Variants in UTRN observed in about 807,000 individuals in gnomAD.
UTRN encodes the protein dystrophin-related protein 1.
In UTRN, 283 loss-of-function variants were observed where a neutral mutation model predicts 463.9. The ratio of observed to expected loss-of-function variants is 0.61; its 90% confidence interval spans 0.55 to 0.67. UTRN has a LOEUF of 0.67. Ranked by LOEUF, UTRN falls within the 30% of genes least tolerant of loss-of-function variation. The probability of loss-of-function intolerance (pLI) is 0.00; values close to 1 mark genes in which losing one functional copy is unlikely to be tolerated. For missense variants in UTRN, 3,922 were observed against 4,084.3 expected (o/e 0.96, Z 1.08); for synonymous variants, 1,442 against 1,431.5 (o/e 1.01, Z -0.17).
chr6:144,754,737 C>T lies in UTRN; in HGVS notation c.8373C>T (p.Arg2791=). Residue 2791 remains arginine (R), a synonymous_variant, in exon 57 of 75, where the codon CGC becomes CGT. Coordinates refer to ENST00000367545, the MANE Select transcript of UTRN (RefSeq NM_007124.3). The part of the protein sequence containing the change: ...WKLLQVSVDD[R]LKQLQEAHRD... ...GTGTGCAGGTTTCTGTGGATGATCG[C>T]CTTAAACAGCTTCAGGAAGCCCACA... 6.2e-7 allele frequency: 1 copy of T among 1,613,520 alleles called. No homozygotes were observed. The highest frequency in any genetic ancestry group is 1.3e-5 in the African/African-American group (1 of 74,946).
At chr6:144,645,743 G>C (rs1361726321) in intron 51 of UTRN, among the ~76,000 whole-genome samples, 1 of 152,142 alleles carries the variant, frequency 6.6e-6, no homozygotes, top group East Asian at 1.9e-4. Context: ...GTGGCAGGAG[G>C]TATGGAGAAA....
At chr6:144,403,372 G>T (rs1427406375) in intron 3 of UTRN, among the ~76,000 whole-genome samples, 188 bp downstream of exon 3, 1 of 152,112 alleles carries the variant, frequency 6.6e-6, no homozygotes, top group African/African-American at 2.4e-5. Flanking sequence ...CATGCACATA[G>T]TTTATGGGAC....
chr6:144,484,432 C>CTTTTTTTTTTTT lies in UTRN; in HGVS notation c.3688-937_3688-926dup, dbSNP rs765122659. ...TTTTTCATTTTGTTCAAAAACCAAACTTTTTTTTTTTTTTTTTTTTTTTTT... is the reference window on the plus strand; with the variant it reads ...TTTTTCATTTTGTTCAAAAACCAAACTTTTTTTTTTTTTTTTTTTTTTTTTTTTTTTTTTTTT... On this transcript the variant is annotated intron_variant, in intron 27 of 74. Coordinates refer to ENST00000367545, the MANE Select transcript of UTRN (RefSeq NM_007124.3). Among the ~76,000 whole-genome samples, 7 of 66,254 alleles carry CTTTTTTTTTTTT rather than the reference C, an allele frequency of 1.1e-4. 1 individual carries two copies. The East Asian group carries it at 1.9e-3, about 18-fold the overall frequency. The allele number at this position is 66,254 out of a possible 152,430, so 43.5% of individuals were successfully genotyped here.
At chr6:144,833,754 C>G (rs73779037) in intron 69 of UTRN, among the ~76,000 whole-genome samples, 8,883 of 152,238 alleles carry the variant, frequency 0.058, 618 homozygotes, top group African/African-American at 0.17. Flanking sequence ...TTGTGTAATT[C>G]ACTGCAGCTC....
chr6:144,507,368 C>T (rs568674288), intron 34 of UTRN, among the ~76,000 whole-genome samples: 2 of 152,262 alleles, frequency 1.3e-5, no homozygotes, highest in African/African-American at 4.8e-5. Flanking sequence ...GAATTTACAG[C>T]ATTTTTGCGC....
intron 21 of UTRN, among the ~76,000 whole-genome samples, chr6:144,460,248 TTTGAAAGC>T (rs1789276486): frequency 6.6e-6 from 1 of 152,212 alleles, no homozygotes; most frequent in Non-Finnish European, 1.5e-5. Context: ...TGTTAAAGAT[TTTGAAAGC>T]TCATCCCTCC....
rs116739902 is a variant in UTRN, at chr6:144,793,857, C to T, written c.8944C>T (p.Pro2982Ser). The part of the protein sequence containing the change: ...YRYLFKEVAG[P>S]TEMCDQRQLG... ...AGATCTCTTTAAGGAAGTTGCAGGGCCAACAGAAATGTGTGACCAGAGGCA... is the reference window on the plus strand; with the variant it reads ...AGATCTCTTTAAGGAAGTTGCAGGGTCAACAGAAATGTGTGACCAGAGGCA... The change falls in exon 63 of 75, where the codon CCA (proline) becomes TCA (serine). Residue 2982 changes from proline (P) to serine (S), a missense_variant. Physicochemically the swap from Pro to Ser is moderately conservative, Grantham distance 74 (BLOSUM62 -1). Coordinates refer to ENST00000367545, the MANE Select transcript of UTRN (RefSeq NM_007124.3). 1.6e-4 allele frequency: 262 copies of T among 1,613,992 alleles called. No individual in the cohort carries two copies. The East Asian group carries it at 4.9e-3, about 30-fold the overall frequency.
intron 53 of UTRN, among the ~76,000 whole-genome samples, chr6:144,717,383 T>C (rs1019765807): frequency 6.6e-6 from 1 of 152,158 alleles, no homozygotes; most frequent in Non-Finnish European, 1.5e-5. Flanking sequence ...TGAAGAAATT[T>C]ATATTTGTCT....
rs1787921300 is a variant in UTRN, at chr6:144,448,500, CATTAA to C, written c.1903-96_1903-92del. On this transcript the variant is annotated intron_variant, in intron 16 of 74. Coordinates refer to ENST00000367545, the MANE Select transcript of UTRN (RefSeq NM_007124.3). ...ACAACTGTATAAATGTGCTAATAAC[CATTAA>C]ATTGTGTATTTCAAAGAAAGAATTT... is the stretch of plus-strand genomic sequence containing the variant. The C allele has an allele frequency of 2.1e-5, 27 of 1,312,016 alleles. No individual in the cohort carries two copies. The South Asian group carries it at 3.2e-4, about 16-fold the overall frequency. 81.3% of individuals were successfully genotyped at this position (1,312,016 alleles called of 1,614,324 possible). A position where few individuals can be genotyped will look rare whatever the true frequency, so the allele number is the denominator to read the frequency against.
At chr6:144,781,622 G>A (rs1310920893) in intron 60 of UTRN, among the ~76,000 whole-genome samples, 1 of 152,094 alleles carries the variant, frequency 6.6e-6, no homozygotes, top group East Asian at 1.9e-4. Context: ...AAAGCAAAAA[G>A]AGCCTGGCAA....
chr6:144,293,379 C>T (rs548944954), intron 2 of UTRN, among the ~76,000 whole-genome samples: 8 of 151,924 alleles, frequency 5.3e-5, no homozygotes, highest in Non-Finnish European at 1.0e-4. Context: ...TCAGAAATAC[C>T]GTGTATATAT....
chr6:144,426,435 T>G lies in UTRN; in HGVS notation c.554T>G (p.Phe185Cys). The part of the protein sequence containing the change: ...FTTSWTDGLA[F>C]NAVLHRHKPD... Reference sequence around the variant, plus strand: ...ACCAGCTGGACAGATGGACTCGCCTTTAATGCTGTCCTCCACCGACATAAG... The same window carrying G: ...ACCAGCTGGACAGATGGACTCGCCTGTAATGCTGTCCTCCACCGACATAAG... The change falls in exon 7 of 75, where the codon TTT (phenylalanine) becomes TGT (cysteine). Residue 185 changes from phenylalanine (F) to cysteine (C), a missense_variant. By Grantham distance (205) the Phe-to-Cys change is radical (BLOSUM62 -2). Coordinates refer to ENST00000367545, the MANE Select transcript of UTRN (RefSeq NM_007124.3). The G allele has an allele frequency of 6.2e-7, 1 of 1,614,100 alleles. No individual in the cohort carries two copies. The highest frequency in any genetic ancestry group is 8.5e-7 in the Non-Finnish European group (1 of 1,179,980).
intron 51 of UTRN, among the ~76,000 whole-genome samples, chr6:144,607,464 A>G (rs1410025846): frequency 6.6e-6 from 1 of 152,286 alleles, no homozygotes; most frequent in South Asian, 2.1e-4. Context: ...TTCTGAACCA[A>G]CTTTTACCAT....
intron 37 of UTRN, among the ~76,000 whole-genome samples, chr6:144,515,215 A>T (rs1177115482): frequency 6.6e-6 from 1 of 152,196 alleles, no homozygotes; most frequent in Non-Finnish European, 1.5e-5. Context: ...AACAATTTTT[A>T]AATTAAAATG....
intron 19 of UTRN, among the ~76,000 whole-genome samples, chr6:144,455,872 T>C (rs555298899): frequency 6.6e-6 from 1 of 152,322 alleles, no homozygotes; most frequent in African/African-American, 2.4e-5. Flanking sequence ...GGGTCCTAAA[T>C]AGACACATTC....
chr6:144,847,017 A>T (rs1191983744), intron 74 of UTRN, among the ~76,000 whole-genome samples, 190 bp downstream of exon 74: 2 of 152,230 alleles, frequency 1.3e-5, no homozygotes, highest in Non-Finnish European at 2.9e-5. Context: ...CAAGCCACAG[A>T]TACCAAAAAT....
chr6:144,515,296 A>G (rs886747736), intron 37 of UTRN, among the ~76,000 whole-genome samples: 1 of 152,204 alleles, frequency 6.6e-6, no homozygotes, highest in Non-Finnish European at 1.5e-5. Flanking sequence ...TGAAGGAGAG[A>G]AAACAAGCAA....
intron 50 of UTRN, among the ~76,000 whole-genome samples, chr6:144,571,873 C>T (rs1800972818): frequency 6.6e-6 from 1 of 152,154 alleles, no homozygotes; most frequent in African/African-American, 2.4e-5. Context: ...TAATATTGTT[C>T]CTTGGTCCTT....
intron 2 of UTRN, among the ~76,000 whole-genome samples, chr6:144,301,536 C>CTTTTTTTTT (rs200484231): frequency 6.1e-4 from 57 of 92,736 alleles, no homozygotes; most frequent in Non-Finnish European, 1.1e-3. Context: ...TTCTTTCTTT[C>CTTTTTTTTT]TTTTTTTTTT....
Sources: allele counts gnomAD v4.1 joint callset (sites outside exome capture counted in the v4.1 genomes callset), GRCh38; gene constraint gnomAD v4.1.1; transcripts MANE v1.5; gene names NCBI Gene and HGNC (gene_info 2026-07-23, HGNC 2026-07-21).